ARSG: variants seen among roughly 807,000 people sequenced by gnomAD.
ARSG encodes ASG.
ARSG carries 37 observed loss-of-function variants against 50.5 expected under a neutral mutation model. The observed-to-expected ratio is 0.73, with a 90% confidence interval of 0.56 to 0.96. ARSG has a LOEUF of 0.96. ARSG is among the 50% of genes least tolerant of loss of function. The pLI, the probability that ARSG is intolerant of heterozygous loss-of-function variation, is 0.00. For missense variants in ARSG, 629 were observed against 675.3 expected (o/e 0.93, Z 0.76); for synonymous variants, 225 against 254.6 (o/e 0.88, Z 1.11).
At chr17:68,294,294 C>T (rs1422632124) in intron 1 of ARSG, among the ~76,000 whole-genome samples, 1 of 152,212 alleles carries the variant, frequency 6.6e-6, no homozygotes, top group Non-Finnish European at 1.5e-5. Flanking sequence ...TCTTTTAGCC[C>T]TCTTGCATAG....
At chr17:68,413,260 G>A (rs1005817369) in intron 11 of ARSG, among the ~76,000 whole-genome samples, 3 of 151,946 alleles carry the variant, frequency 2.0e-5, no homozygotes, top group East Asian at 3.9e-4. Flanking sequence ...TTTTATCTAC[G>A]TTTGGTCTTT....
At chr17:68,328,522 A>G (rs1252061596) in intron 2 of ARSG, among the ~76,000 whole-genome samples, 2 of 152,126 alleles carry the variant, frequency 1.3e-5, no homozygotes, top group Non-Finnish European at 1.5e-5. Flanking sequence ...TATTTCTCAG[A>G]TAGGGCTCAT....
chr17:68,323,410 A>C (rs2077373921), intron 2 of ARSG, among the ~76,000 whole-genome samples: 1 of 151,084 alleles, frequency 6.6e-6, no homozygotes, highest in Admixed American at 6.6e-5. Context: ...CCCTCTTATT[A>C]ATTAATTAAT....
chr17:68,421,956 G>A (rs1370286756), downstream of ARSG: 11 of 1,037,390 alleles, frequency 1.1e-5, no homozygotes, highest in East Asian at 7.2e-5. Flanking sequence ...GTCTGAACTC[G>A]CTCATGGCCA....
intron 1 of ARSG, among the ~76,000 whole-genome samples, chr17:68,286,438 A>G (rs2075843961): frequency 6.6e-6 from 1 of 152,198 alleles, no homozygotes; most frequent in Non-Finnish European, 1.5e-5. Context: ...ACTTGACTGA[A>G]ATAGCCCAAT....
intron 1 of ARSG, chr17:68,270,920 C>T: frequency 6.2e-7 from 1 of 1,614,174 alleles, no homozygotes; most frequent in Non-Finnish European, 8.5e-7. Flanking sequence ...TTCTCAATGC[C>T]CACGACATCA....
Position 68,378,945 on chromosome 17 carries a change from GA to G in ARSG, c.983-6115del, listed in dbSNP as rs1318728476. On this transcript the variant is annotated intron_variant, in intron 8 of 11. Transcript: ENST00000621439. This position sits in a 1 kb window ranked among gnomAD's most constrained non-coding sequence, Gnocchi z 4.4. ...AGTTTGGGGTCGGGGGTGGGGCGGGGAAAAGTCAGAGGTGCTGTGAGGTGAC... is the reference window on the plus strand; with the variant it reads ...AGTTTGGGGTCGGGGGTGGGGCGGGGAAAGTCAGAGGTGCTGTGAGGTGAC... Among the ~76,000 whole-genome samples, 10 of 152,078 alleles carry G rather than the reference GA, an allele frequency of 6.6e-5. No individual in the cohort carries two copies. Among genetic ancestry groups the G allele is most frequent in the Admixed American group, 1.3e-4 (2 of 15,270 alleles).
chr17:68,364,872 G>A (rs2079470325), intron 6 of ARSG, among the ~76,000 whole-genome samples: 1 of 152,114 alleles, frequency 6.6e-6, no homozygotes, highest in Non-Finnish European at 1.5e-5. Context: ...TGGCTTGCGG[G>A]ACAGATGCCC....
chr17:68,387,112 CACACACAT>C lies in ARSG; in HGVS notation c.1091+1943_1091+1950del, dbSNP rs1205211340. Among the ~76,000 whole-genome samples the C allele has an allele frequency of 9.3e-4, 134 of 144,014 alleles. 1 individual carries two copies. The highest frequency in any genetic ancestry group is 3.1e-3 in the African/African-American group (116 of 37,094). 94.5% of individuals were successfully genotyped at this position (144,014 alleles called of 152,430 possible). On this transcript the variant is annotated intron_variant, in intron 9 of 11. Transcript: ENST00000621439. ...ACACACACACACACACACACACACA[CACACACAT>C]ACCTTTTATTTTATTTATTTTGTTA... is the stretch of plus-strand genomic sequence containing the variant.
At chr17:68,382,085 G>C (rs1443413735) in intron 8 of ARSG, among the ~76,000 whole-genome samples, 1 of 151,840 alleles carries the variant, frequency 6.6e-6, no homozygotes, top group Non-Finnish European at 1.5e-5. Context: ...TGAGTAGCTG[G>C]GATTACAGGC....
Position 68,331,496 on chromosome 17 carries a change from G to A in ARSG, c.219-12108G>A, listed in dbSNP as rs143602304. On this transcript the variant is annotated intron_variant, in intron 2 of 11. Coordinates refer to ENST00000621439, the MANE Select transcript of ARSG (RefSeq NM_001267727.2). ...CCTGACCTCATGATCTGCCCGCCTT[G>A]GCCTCCCAAAGTGCTGGGATTACAG... Among the ~76,000 whole-genome samples the A allele has an allele frequency of 4.5e-4, 68 of 152,160 alleles. 4 individuals carry two copies. In the East Asian group the frequency reaches 0.013, roughly 29 times the overall value.
chr17:68,327,914 G>A (rs782097217), intron 2 of ARSG, among the ~76,000 whole-genome samples: 4 of 152,148 alleles, frequency 2.6e-5, no homozygotes, highest in East Asian at 1.9e-4. Flanking sequence ...CCTGGGTGGC[G>A]TCATTGGGAA....
chr17:68,399,396 T>TA lies in ARSG; in HGVS notation c.1213-1958dup, dbSNP rs1190801515. 1.3e-5 allele frequency among the ~76,000 whole-genome samples: 2 copies of TA among 151,994 alleles called. No homozygotes were observed. The highest frequency in any genetic ancestry group is 2.9e-5 in the Non-Finnish European group (2 of 67,994). On this transcript the variant is annotated intron_variant, in intron 10 of 11. Transcript: ENST00000621439. The surrounding 1 kb of genome is among the most constrained non-coding windows in gnomAD (Gnocchi z 4.6). ...TAAGGTAAAGGAATGCTCTCGTGCT[T>TA]AAAAAACAAAACAAGATAAAATAGA...
At chr17:68,349,324 A>G (rs1029812416) in intron 4 of ARSG, among the ~76,000 whole-genome samples, 2 of 152,162 alleles carry the variant, frequency 1.3e-5, no homozygotes, top group Admixed American at 6.5e-5. Flanking sequence ...GAAAACAGCC[A>G]ATATGTACAG....
intron 1 of ARSG, chr17:68,278,005 A>G (rs1330481819): frequency 9.1e-6 from 8 of 876,112 alleles, no homozygotes; most frequent in African/African-American, 1.7e-5. Context: ...AAAGCATCAC[A>G]AACACATCGA....
At chr17:68,279,149 C>CA (rs2075617078) in intron 1 of ARSG, among the ~76,000 whole-genome samples, 2 of 151,758 alleles carry the variant, frequency 1.3e-5, no homozygotes, top group South Asian at 2.1e-4. Context: ...TCAACTTAGG[C>CA]AAAAAAAGAC....
chr17:68,259,806 T>C (rs2075045040), intron 1 of ARSG, among the ~76,000 whole-genome samples: 1 of 152,196 alleles, frequency 6.6e-6, no homozygotes, highest in South Asian at 2.1e-4. Flanking sequence ...CTTGTGTCTA[T>C]TGTATTGGAC....
intron 1 of ARSG, chr17:68,272,666 A>C: frequency 1.2e-6 from 2 of 1,614,176 alleles, no homozygotes. Context: ...ACAGCGAAAC[A>C]TTCTCCTGTG....
chr17:68,360,475 G>A (rs1479656220), intron 6 of ARSG, among the ~76,000 whole-genome samples: 1 of 152,198 alleles, frequency 6.6e-6, no homozygotes, highest in Non-Finnish European at 1.5e-5. Flanking sequence ...GACTTAGGGA[G>A]TTTTTACTTG....
Sources: gnomAD v4.1 joint callset for allele counts (sites outside exome capture counted in the v4.1 genomes callset) on GRCh38, gnomAD v4.1.1 for gene constraint, Gnocchi (gnomAD v3.1) non-coding constraint, MANE v1.5 for transcripts, NCBI Gene and HGNC (gene_info 2026-07-23, HGNC 2026-07-21) for gene names.